Variants in CPLANE1 observed in about 807,000 individuals in gnomAD.
CPLANE1 encodes ciliogenesis and planar polarity effector complex subunit 1.
A neutral mutation model predicts 362.5 loss-of-function variants in CPLANE1; 263 were observed. The observed-to-expected ratio is 0.73, with a 90% CI of 0.66 to 0.80. CPLANE1 has a LOEUF of 0.80. Ranked by LOEUF, CPLANE1 falls within the 30% of genes least tolerant of loss-of-function variation. CPLANE1 has a pLI of 0.00. For synonymous variants in CPLANE1, 1,212 were observed against 1,302.6 expected (o/e 0.93, Z 1.50); for missense variants, 3,461 against 3,793.4 (o/e 0.91, Z 2.30).
At chr5:37,212,367 G>A (rs1792855896) in intron 16 of CPLANE1, 2 of 828,236 alleles carry the variant, frequency 2.4e-6, no homozygotes, top group African/African-American at 1.7e-5. Context: ...TGAAGAACCA[G>A]ATGACTCTTG....
chr5:37,108,041 C>T (rs1055489457), intron 52 of CPLANE1, among the ~76,000 whole-genome samples: 1 of 152,082 alleles, frequency 6.6e-6, no homozygotes, highest in South Asian at 2.1e-4. Flanking sequence ...ACTTGTAGTA[C>T]GATTTTATGT....
chr5:37,166,182 TA>T (rs1778184130), intron 35 of CPLANE1, among the ~76,000 whole-genome samples: 1 of 152,238 alleles, frequency 6.6e-6, no homozygotes, highest in South Asian at 2.1e-4. Context: ...TGTGAAATTT[TA>T]AAAGTATTTT....
At chr5:37,108,927 C>T (rs1397860123) in intron 51 of CPLANE1, among the ~76,000 whole-genome samples, 2 of 152,316 alleles carry the variant, frequency 1.3e-5, no homozygotes, top group South Asian at 2.1e-4. Flanking sequence ...GGTGACAATA[C>T]ATTATGACCC....
intron 16 of CPLANE1, among the ~76,000 whole-genome samples, chr5:37,213,025 G>A (rs1448858402): frequency 2.0e-5 from 3 of 152,116 alleles, no homozygotes; most frequent in Non-Finnish European, 4.4e-5. Flanking sequence ...CCTGACTAAC[G>A]TGGTGAAACC....
chr5:37,242,869 G>T, intron 6 of CPLANE1, 144 bp downstream of exon 6: 1 of 551,312 alleles, frequency 1.8e-6, no homozygotes. Context: ...GCCAGGCATG[G>T]TGGCACAAAC....
intron 46 of CPLANE1, among the ~76,000 whole-genome samples, chr5:37,133,593 A>G (rs1355302514): frequency 1.3e-5 from 2 of 152,002 alleles, no homozygotes; most frequent in Non-Finnish European, 2.9e-5. Flanking sequence ...ATTGGTGCAT[A>G]GAAATGCTAC....
intron 20 of CPLANE1, among the ~76,000 whole-genome samples, chr5:37,198,424 CAG>C (rs1397246798): frequency 6.7e-6 from 1 of 149,858 alleles, no homozygotes; most frequent in East Asian, 1.9e-4. Flanking sequence ...TCTTTAATGA[CAG>C]GGGAGTTGGA....
intron 25 of CPLANE1, among the ~76,000 whole-genome samples, chr5:37,183,904 A>C (rs115161689): frequency 6.6e-6 from 1 of 152,178 alleles, no homozygotes; most frequent in Non-Finnish European, 1.5e-5. Context: ...GAGATCAAAA[A>C]AAAATTACTA....
chr5:37,186,487 A>G (rs142989577), intron 23 of CPLANE1, 93 bp from the exon 24 acceptor site: 7 of 682,210 alleles, frequency 1.0e-5, no homozygotes, highest in Non-Finnish European at 1.9e-5. Flanking sequence ...CAAAATATAA[A>G]TGCACATTTC....
intron 36 of CPLANE1, 141 bp downstream of exon 36, chr5:37,165,397 AG>A: frequency 2.6e-6 from 2 of 762,426 alleles, no homozygotes; most frequent in Non-Finnish European, 2.2e-6. Context: ...GGGAGGCAGC[AG>A]GGACTGATAT....
At chr5:37,233,490 C>A (rs1349391545) in intron 8 of CPLANE1, among the ~76,000 whole-genome samples, 1 of 151,944 alleles carries the variant, frequency 6.6e-6, no homozygotes, top group Non-Finnish European at 1.5e-5. Flanking sequence ...GCAGTCACCA[C>A]CCAACTCAGG....
chr5:37,214,648 A>G (rs1228239392), intron 15 of CPLANE1, among the ~76,000 whole-genome samples: 1 of 152,190 alleles, frequency 6.6e-6, no homozygotes, highest in African/African-American at 2.4e-5. Flanking sequence ...TCCTGTTGCT[A>G]TTTTGAGGAG....
chr5:37,158,375 C>A (rs1405655364), intron 38 of CPLANE1, 30 bp from the exon 39 acceptor site: 5 of 1,590,036 alleles, frequency 3.1e-6, no homozygotes, highest in African/African-American at 2.7e-5. Context: ...TAATCAGGAA[C>A]ATTCAAAAAA....
intron 22 of CPLANE1, 49 bp from the exon 23 acceptor site, chr5:37,187,621 G>A: frequency 1.3e-6 from 2 of 1,572,366 alleles, no homozygotes; most frequent in Non-Finnish European, 1.7e-6. Flanking sequence ...TTAGATGGTA[G>A]ACCAGAATGA....
intron 21 of CPLANE1, among the ~76,000 whole-genome samples, chr5:37,193,458 C>T (rs1786245491): frequency 1.3e-5 from 2 of 151,992 alleles, no homozygotes; most frequent in Admixed American, 6.6e-5. Flanking sequence ...AGTTTGAGAC[C>T]GACCTAGCCA....
At chr5:37,139,426 T>G in intron 44 of CPLANE1, 56 bp from the exon 45 acceptor site, 1 of 1,114,994 alleles carries the variant, frequency 9.0e-7, no homozygotes, top group Non-Finnish European at 1.2e-6. Flanking sequence ...CTTTCAATTG[T>G]TAATCTAATT....
the CPLANE1 span, among the ~76,000 whole-genome samples, chr5:37,088,733 G>C: frequency 6.6e-6 from 1 of 152,064 alleles, no homozygotes; most frequent in Non-Finnish European, 1.5e-5. Flanking sequence ...CACAGGACTG[G>C]ACTTACTCTG....
intron 8 of CPLANE1, among the ~76,000 whole-genome samples, chr5:37,235,911 C>T (rs1798885844): frequency 6.8e-6 from 1 of 147,722 alleles, no homozygotes; most frequent in South Asian, 2.1e-4. Flanking sequence ...CTCTTGTTGC[C>T]CAGGCTGGAG....
intron 50 of CPLANE1, among the ~76,000 whole-genome samples, chr5:37,117,826 G>A (rs1465190262): frequency 2.6e-5 from 4 of 152,214 alleles, no homozygotes; most frequent in Non-Finnish European, 4.4e-5. Flanking sequence ...GACGGGCTAA[G>A]GCCATAGCAA....
Sources: gnomAD v4.1 joint callset for allele counts (sites outside exome capture counted in the v4.1 genomes callset) on GRCh38, gnomAD v4.1.1 for gene constraint, MANE v1.5 for transcripts, NCBI Gene and HGNC (gene_info 2026-07-23, HGNC 2026-07-21) for gene names.